Variants in MACF1 observed in about 807,000 individuals in gnomAD.
MACF1 encodes the protein microtubule-actin cross-linking factor 1.
Under a neutral mutation model 854.8 loss-of-function variants are expected in MACF1, and 193 were observed. That is an observed-to-expected ratio of 0.23 (90% CI 0.20 to 0.25). MACF1 has a LOEUF of 0.25. MACF1 is among the 10% of genes least tolerant of loss of function. MACF1 has a pLI of 1.00. For synonymous variants in MACF1, 3,185 were observed against 3,226.7 expected (o/e 0.99, Z 0.44); for missense variants, 7,722 against 8,929.1 (o/e 0.86, Z 5.45).
At chr1:39,252,692 A>G (rs912020900) in intron 4 of MACF1, among the ~76,000 whole-genome samples, 1 of 152,218 alleles carries the variant, frequency 6.6e-6, no homozygotes, top group Admixed American at 6.5e-5. Flanking sequence ...AGAATCTTCC[A>G]TTTTATAGGC....
chr1:39,203,550 C>T (rs1459588337), upstream of MACF1, among the ~76,000 whole-genome samples: 1 of 152,178 alleles, frequency 6.6e-6, no homozygotes, highest in African/African-American at 2.4e-5. Flanking sequence ...GGAACCACCA[C>T]CACAATCAAC....
chr1:39,273,966 G>T (rs1401189990), intron 6 of MACF1, among the ~76,000 whole-genome samples: 1 of 152,142 alleles, frequency 6.6e-6, no homozygotes, highest in African/African-American at 2.4e-5. Context: ...TAACAATAGT[G>T]TTGTGGTTAT....
chr1:39,183,263 T>A (rs1216657531), intron 2 of MACF1, among the ~76,000 whole-genome samples: 1 of 152,190 alleles, frequency 6.6e-6, no homozygotes, highest in African/African-American at 2.4e-5. Context: ...GTTCTAAAGT[T>A]AGATAATGGT....
intron 49 of MACF1, among the ~76,000 whole-genome samples, chr1:39,362,770 A>G (rs1038274803): frequency 6.6e-6 from 1 of 152,180 alleles, no homozygotes; most frequent in Admixed American, 6.5e-5. Flanking sequence ...TGGACACTAG[A>G]TGAGCTACTG....
chr1:39,110,164 C>T (rs554184629), intron 2 of MACF1, among the ~76,000 whole-genome samples: 54 of 151,338 alleles, frequency 3.6e-4, no homozygotes, highest in Middle Eastern at 3.4e-3. Flanking sequence ...ACCTAAGTGA[C>T]GCTCTGAAGC....
At chr1:39,352,915 A>G in intron 43 of MACF1, 92 bp from the exon 44 acceptor site, 1 of 760,906 alleles carries the variant, frequency 1.3e-6, no homozygotes, top group Non-Finnish European at 2.2e-6. Context: ...TTAGCATAAA[A>G]TTATCTCCTC....
intron 40 of MACF1, among the ~76,000 whole-genome samples, chr1:39,344,490 G>A (rs1052796689): frequency 3.3e-5 from 5 of 152,016 alleles, no homozygotes; most frequent in African/African-American, 1.2e-4. Context: ...ACTTGGAAGA[G>A]GGCCAAACGG....
At chr1:39,415,650 C>T (rs1035479481) in intron 58 of MACF1, among the ~76,000 whole-genome samples, 3 of 151,862 alleles carry the variant, frequency 2.0e-5, no homozygotes, top group Non-Finnish European at 2.9e-5. Flanking sequence ...CGTGAGCCAC[C>T]GCGCCCAGCC....
Position 39,412,319 on chromosome 1 carries a change from A to G in MACF1, c.15817-10055A>G, listed in dbSNP as rs755767809. 1.9e-6 allele frequency: 3 copies of G among 1,614,050 alleles called. No individual in the cohort carries two copies. The South Asian group carries it at 3.3e-5, about 18-fold the overall frequency. ...TTACTAACAGATGAAATTCATTTGG[A>G]AAGTGGGAATGTAACTGTTAATCAA... is the stretch of plus-strand genomic sequence containing the variant. On this transcript the variant is annotated intron_variant, in intron 58 of 100. Coordinates refer to ENST00000564288, the MANE Select transcript of MACF1 (RefSeq NM_001394062.1).
intron 2 of MACF1, among the ~76,000 whole-genome samples, chr1:39,131,267 G>A (rs1294750333): frequency 1.4e-5 from 2 of 145,062 alleles, no homozygotes; most frequent in East Asian, 2.1e-4. Context: ...GGGCTAAAGC[G>A]ATCCTCCTGC....
Position 39,416,912 on chromosome 1 carries a change from T to C in MACF1, c.15817-5462T>C, listed in dbSNP as rs546771467. Among the ~76,000 whole-genome samples, 54 of 152,324 alleles carry C rather than the reference T, an allele frequency of 3.5e-4. 1 individual carries two copies. Among genetic ancestry groups the C allele is most frequent in the African/African-American group, 1.2e-3 (50 of 41,574 alleles). Reference sequence around the variant, plus strand: ...ATGTAGAGAGGCCATTTTGAAAATATTGAAACAAAACAAATCATTATAGAG... The same window carrying C: ...ATGTAGAGAGGCCATTTTGAAAATACTGAAACAAAACAAATCATTATAGAG... On this transcript the variant is annotated intron_variant, in intron 58 of 100. Transcript: ENST00000564288.
At chr1:39,366,647 G>C (rs35115396) in intron 49 of MACF1, among the ~76,000 whole-genome samples, 1 of 150,198 alleles carries the variant, frequency 6.7e-6, no homozygotes, top group East Asian at 1.9e-4. Context: ...TAACTACTTC[G>C]TTGTTTGATT....
chr1:39,311,396 G>A (rs1393467933), intron 26 of MACF1, among the ~76,000 whole-genome samples: 1 of 152,194 alleles, frequency 6.6e-6, no homozygotes, highest in African/African-American at 2.4e-5. Context: ...TGATTTGAAT[G>A]TGGGCTCTGA....
At chr1:39,429,768 C>T in intron 64 of MACF1, 59 bp from the exon 65 acceptor site, 1 of 1,522,514 alleles carries the variant, frequency 6.6e-7, no homozygotes, top group South Asian at 1.2e-5. Context: ...GAAAGGGGAT[C>T]AGAGACTCCT....
At position 39,485,321 on chromosome 1, in the gene MACF1, T is replaced by C. The variant is rs1002992391; in HGVS notation, c.22412-217T>C. The C allele has an allele frequency of 4.0e-5, 23 of 568,350 alleles. No homozygotes were observed. In the Admixed American group the frequency reaches 5.6e-4, roughly 14 times the overall value. 35.2% of individuals were successfully genotyped at this position (568,350 alleles called of 1,614,324 possible). ...CCATGGAAGGTGACAGTGCTGCTGA[T>C]AGAGTGGCTTTCTAATCCCCAGGAG... is the stretch of plus-strand genomic sequence containing the variant. On this transcript the variant is annotated intron_variant, in intron 100 of 100. Coordinates refer to ENST00000564288, the MANE Select transcript of MACF1 (RefSeq NM_001394062.1).
intron 23 of MACF1, among the ~76,000 whole-genome samples, chr1:39,306,158 CTTTT>C (rs544782936): frequency 1.4e-5 from 2 of 142,584 alleles, no homozygotes; most frequent in Non-Finnish European, 1.5e-5. Context: ...ACTTTCTTTA[CTTTT>C]TTTTTTTTTT....
chr1:39,260,589 C>G (rs1039775274), intron 6 of MACF1: 1 of 152,002 alleles, frequency 6.6e-6, no homozygotes, highest in Non-Finnish European at 1.5e-5. Flanking sequence ...AGCTCCTGAC[C>G]TCAGGTGATC....
intron 2 of MACF1, among the ~76,000 whole-genome samples, chr1:39,091,113 A>T (rs1641791450): frequency 6.6e-6 from 1 of 152,222 alleles, no homozygotes; most frequent in South Asian, 2.1e-4. Flanking sequence ...GGTGATGATT[A>T]TGAGCTGAAG....
At chr1:39,261,332 G>A (rs1229651279) in intron 6 of MACF1, among the ~76,000 whole-genome samples, 1 of 151,956 alleles carries the variant, frequency 6.6e-6, no homozygotes, top group African/African-American at 2.4e-5. Context: ...ACTTTACTGA[G>A]GTGTAATTTA....
Sources: allele counts gnomAD v4.1 joint callset (sites outside exome capture counted in the v4.1 genomes callset), GRCh38; gene constraint gnomAD v4.1.1; transcripts MANE v1.5; gene names NCBI Gene and HGNC (gene_info 2026-07-23, HGNC 2026-07-21).